The following ZNF704 variants were observed in gnomAD, a reference collection of about 807,000 sequenced individuals.
The protein encoded by ZNF704 is zinc finger protein 704.
Under a neutral mutation model 44.7 loss-of-function variants are expected in ZNF704, and 10 were observed. The observed-to-expected ratio is 0.22, with a 90% CI of 0.14 to 0.38. ZNF704 has a LOEUF of 0.38. Ranked by LOEUF, ZNF704 falls within the 10% of genes least tolerant of loss-of-function variation. The probability of loss-of-function intolerance (pLI) is 1.00; values close to 1 mark genes in which losing one functional copy is unlikely to be tolerated. For missense variants in ZNF704, 390 were observed against 545.5 expected (o/e 0.71, Z 2.84); for synonymous variants, 211 against 207.6 (o/e 1.02, Z -0.14).
chr8:80,758,762 A>G (rs923953941), intron 2 of ZNF704, among the ~76,000 whole-genome samples: 1 of 152,194 alleles, frequency 6.6e-6, no homozygotes, highest in Admixed American at 6.5e-5. Flanking sequence ...GTTTGAAATC[A>G]GGTGCATTTT....
intron 6 of ZNF704, among the ~76,000 whole-genome samples, chr8:80,660,335 G>A (rs937966295): frequency 7.9e-5 from 12 of 151,916 alleles, no homozygotes; most frequent in Admixed American, 7.9e-4. Flanking sequence ...AGCCAGGGGT[G>A]GTGGAGTGTA....
intron 2 of ZNF704, among the ~76,000 whole-genome samples, chr8:80,779,249 T>C (rs1055458528): frequency 6.6e-6 from 1 of 152,166 alleles, no homozygotes; most frequent in Non-Finnish European, 1.5e-5. Flanking sequence ...TAAATTTGGA[T>C]GTGTCTTATC....
At chr8:80,755,640 T>C (rs921312818) in intron 2 of ZNF704, among the ~76,000 whole-genome samples, 8 of 152,274 alleles carry the variant, frequency 5.3e-5, no homozygotes, top group Non-Finnish European at 1.0e-4. Context: ...CAGGCATCTA[T>C]GGTGCTTCCC....
chr8:80,845,875 A>G (rs1808760065), intron 1 of ZNF704, among the ~76,000 whole-genome samples: 1 of 152,226 alleles, frequency 6.6e-6, no homozygotes, highest in Non-Finnish European at 1.5e-5. Flanking sequence ...CATATACTTC[A>G]GAAGATTTTA....
intron 2 of ZNF704, among the ~76,000 whole-genome samples, chr8:80,774,802 G>T (rs561713627): frequency 6.6e-5 from 10 of 152,318 alleles, no homozygotes; most frequent in African/African-American, 2.4e-4. Flanking sequence ...GGATGTTCCT[G>T]TCTTGGTCTT....
At chr8:80,660,404 C>A (rs1324159066) in intron 6 of ZNF704, among the ~76,000 whole-genome samples, 1 of 148,940 alleles carries the variant, frequency 6.7e-6, no homozygotes, top group Non-Finnish European at 1.5e-5. Context: ...CCCAGGAGTT[C>A]GAGGTTGCAG....
intron 7 of ZNF704, among the ~76,000 whole-genome samples, chr8:80,644,108 A>C (rs993591730): frequency 6.6e-6 from 1 of 152,228 alleles, no homozygotes; most frequent in Non-Finnish European, 1.5e-5. Context: ...CAGCAGCTTT[A>C]GTCTTCACAA....
At chr8:80,881,144 C>T in the ZNF704 span, among the ~76,000 whole-genome samples, 1 of 152,312 alleles carries the variant, frequency 6.6e-6, no homozygotes, top group East Asian at 1.9e-4. Flanking sequence ...CAGTTGAAAC[C>T]AGCAATTCCA....
chr8:80,784,008 A>G (rs140902690), intron 2 of ZNF704, among the ~76,000 whole-genome samples: 3 of 151,872 alleles, frequency 2.0e-5, no homozygotes, highest in African/African-American at 7.3e-5. Flanking sequence ...GGCTTCTTTC[A>G]CTTAGTGGTG....
intron 2 of ZNF704, among the ~76,000 whole-genome samples, chr8:80,714,785 G>A (rs1218585497): frequency 6.6e-6 from 1 of 152,210 alleles, no homozygotes; most frequent in Non-Finnish European, 1.5e-5. Context: ...CATGGCGGCG[G>A]TAAGTTGGGG....
chr8:80,826,961 G>C lies in ZNF704; in HGVS notation c.-21-5346C>G, dbSNP rs7845576. Among the ~76,000 whole-genome samples the C allele has an allele frequency of 1.2e-3, 178 of 152,174 alleles. 3 individuals carry two copies. The highest frequency in any genetic ancestry group is 7.7e-3 in the Admixed American group (118 of 15,284). On this transcript the variant is annotated intron_variant, in intron 1 of 8. Coordinates refer to ENST00000327835, the MANE Select transcript of ZNF704 (RefSeq NM_001033723.3). ...GAGCTATTTATGACAAACCCACAGC[G>C]AATATCATACTGAGTGGGCAAAAAC...
intron 2 of ZNF704, among the ~76,000 whole-genome samples, chr8:80,749,941 G>A (rs1334292065): frequency 2.0e-5 from 3 of 152,142 alleles, no homozygotes; most frequent in Non-Finnish European, 2.9e-5. Context: ...GTGGTTCCAG[G>A]TGCGTGAATC....
chr8:80,664,783 A>G, intron 6 of ZNF704, 32 bp downstream of exon 6: 1 of 1,611,970 alleles, frequency 6.2e-7, no homozygotes, highest in Non-Finnish European at 8.5e-7. Flanking sequence ...TCAAGGTCAA[A>G]GTGATTGCTC....
At chr8:80,657,078 C>T (rs1044557010) in intron 7 of ZNF704, among the ~76,000 whole-genome samples, 3 of 151,890 alleles carry the variant, frequency 2.0e-5, no homozygotes, top group African/African-American at 7.3e-5. Flanking sequence ...GCATGCTGTC[C>T]GTGGGTGTAC....
chr8:80,749,035 A>C (rs1215935263), intron 2 of ZNF704, among the ~76,000 whole-genome samples: 1 of 152,222 alleles, frequency 6.6e-6, no homozygotes, highest in East Asian at 1.9e-4. Context: ...ACAGTCATCT[A>C]CTAATGAGTG....
chr8:80,740,486 G>T (rs1455804277), intron 2 of ZNF704, among the ~76,000 whole-genome samples: 1 of 152,134 alleles, frequency 6.6e-6, no homozygotes, highest in Admixed American at 6.5e-5. Flanking sequence ...AAAGCCCAAG[G>T]CCTAGTAAAA....
intron 2 of ZNF704, among the ~76,000 whole-genome samples, chr8:80,693,763 G>A (rs1425812795): frequency 4.6e-5 from 7 of 152,206 alleles, no homozygotes; most frequent in Non-Finnish European, 8.8e-5. Context: ...GCGGTGCAGA[G>A]CTAGTCAGAC....
In ZNF704 at chr8:80,870,466, T is replaced by C. The variant is rs76194278; in HGVS notation, c.-22+4105A>G. Among the ~76,000 whole-genome samples, 266 of 152,318 alleles carry C rather than the reference T, an allele frequency of 1.7e-3. 3 individuals are homozygous for C. Among genetic ancestry groups the C allele is most frequent in the African/African-American group, 6.1e-3 (254 of 41,564 alleles). ...CTCAAACTTCTCTTGTCAAGGACACTAGTAAGTTCCATCTTATCTAATCCA... is the reference window on the plus strand; with the variant it reads ...CTCAAACTTCTCTTGTCAAGGACACCAGTAAGTTCCATCTTATCTAATCCA... On this transcript the variant is annotated intron_variant, in intron 1 of 8. Transcript: ENST00000327835.
intron 4 of ZNF704, among the ~76,000 whole-genome samples, chr8:80,685,463 C>T (rs188757857): frequency 7.9e-5 from 12 of 152,262 alleles, no homozygotes; most frequent in Admixed American, 7.8e-4. Context: ...CTCAGAAAAC[C>T]CCAGGGAGAC....
Sources: allele counts gnomAD v4.1 joint callset (sites outside exome capture counted in the v4.1 genomes callset), GRCh38; gene constraint gnomAD v4.1.1; transcripts MANE v1.5; gene names NCBI Gene and HGNC (gene_info 2026-07-23, HGNC 2026-07-21).